KAZN: variants seen among roughly 807,000 people sequenced by gnomAD.
KAZN encodes the protein kazrin.
A neutral mutation model predicts 87.4 loss-of-function variants in KAZN; 40 were observed. The observed-to-expected ratio is 0.46, with a 90% CI of 0.36 to 0.60. The LOEUF (loss-of-function observed/expected upper bound fraction) is 0.60, where lower values mean the gene tolerates loss of function less well. KAZN is among the 20% of genes least tolerant of loss of function. The probability of loss-of-function intolerance (pLI) is 0.00; values close to 1 mark genes in which losing one functional copy is unlikely to be tolerated. For missense variants in KAZN, 898 were observed against 1,073.9 expected (o/e 0.84, Z 2.29); for synonymous variants, 466 against 458.3 (o/e 1.02, Z -0.22).
At chr1:14,152,384 T>C (rs1222632777) in intron 1 of KAZN, among the ~76,000 whole-genome samples, 1 of 152,186 alleles carries the variant, frequency 6.6e-6, no homozygotes, top group Non-Finnish European at 1.5e-5. Flanking sequence ...TTTACCTCCA[T>C]GAGTTCAACT....
intron 4 of KAZN, among the ~76,000 whole-genome samples, chr1:15,044,475 G>A (rs1012653109): frequency 3.3e-5 from 5 of 152,132 alleles, no homozygotes; most frequent in African/African-American, 1.2e-4. Context: ...AAGGCCTAGT[G>A]CAGTGGCTCA....
At chr1:14,340,246 G>A (rs927952894) in intron 2 of KAZN, among the ~76,000 whole-genome samples, 3 of 152,206 alleles carry the variant, frequency 2.0e-5, no homozygotes, top group African/African-American at 7.2e-5. Context: ...CAATTTCTGT[G>A]CTTTGCACAG....
At chr1:13,936,353 T>G (rs925506647) in intron 1 of KAZN, among the ~76,000 whole-genome samples, 1 of 151,910 alleles carries the variant, frequency 6.6e-6, no homozygotes, top group African/African-American at 2.4e-5. Context: ...TCACCTGCCT[T>G]GGCCTCTCAA....
chr1:14,077,045 C>T (rs540515022), intron 1 of KAZN, among the ~76,000 whole-genome samples: 144 of 152,262 alleles, frequency 9.5e-4, no homozygotes, highest in Non-Finnish European at 1.3e-3. Context: ...AATTTTACTT[C>T]CTGATTGCTC....
intron 1 of KAZN, among the ~76,000 whole-genome samples, chr1:14,637,167 G>C (rs1219309822): frequency 6.6e-6 from 1 of 152,148 alleles, no homozygotes; most frequent in Admixed American, 6.6e-5. Context: ...TGAAAATGGA[G>C]CCAGAAAAAC....
At chr1:14,539,381 G>C (rs1208807789) in intron 2 of KAZN, among the ~76,000 whole-genome samples, 1 of 152,136 alleles carries the variant, frequency 6.6e-6, no homozygotes, top group Non-Finnish European at 1.5e-5. Context: ...GGACATTTTT[G>C]GAAGAACTGA....
At chr1:14,729,161 G>A (rs1365791513) in intron 1 of KAZN, among the ~76,000 whole-genome samples, 5 of 152,098 alleles carry the variant, frequency 3.3e-5, no homozygotes, top group Admixed American at 6.6e-5. Context: ...GGATACCTTC[G>A]GCCCCTGCCC....
chr1:14,801,441 G>A lies in KAZN; in HGVS notation c.227-159243G>A, dbSNP rs113684024. Among the ~76,000 whole-genome samples, 1,275 of 152,208 alleles carry A rather than the reference G, an allele frequency of 8.4e-3. 16 individuals are homozygous for A. The highest frequency in any genetic ancestry group is 0.029 in the African/African-American group (1,214 of 41,518). ...CATTCCGCAGTCCAGAGAGTGGCTG[G>A]GTCCCTTCTCCGCAGGCTCTTGGGG... On this transcript the variant is annotated intron_variant, in intron 1 of 14. Coordinates refer to ENST00000376030, the MANE Select transcript of KAZN (RefSeq NM_201628.3).
intron 1 of KAZN, among the ~76,000 whole-genome samples, chr1:14,038,379 A>G (rs1019111092): frequency 6.6e-6 from 1 of 152,138 alleles, no homozygotes; most frequent in Non-Finnish European, 1.5e-5. Context: ...GGAGGGAGAA[A>G]GTTGCAGACA....
chr1:14,582,194 A>G (rs919739011), intron 2 of KAZN, among the ~76,000 whole-genome samples: 5 of 152,138 alleles, frequency 3.3e-5, no homozygotes, highest in African/African-American at 1.2e-4. Flanking sequence ...CCAGAATTCC[A>G]TGGAATCTGT....
chr1:14,197,630 G>A (rs562173327), intron 2 of KAZN, among the ~76,000 whole-genome samples: 110 of 152,290 alleles, frequency 7.2e-4, no homozygotes, highest in African/African-American at 2.6e-3. Context: ...AGAGGTTGCA[G>A]TGAGCCAAGA....
chr1:14,707,186 A>T (rs1364545518), intron 1 of KAZN, among the ~76,000 whole-genome samples: 1 of 152,192 alleles, frequency 6.6e-6, no homozygotes, highest in Non-Finnish European at 1.5e-5. Context: ...TATGACGGTG[A>T]GGTCTGCTGG....
At chr1:14,359,902 T>C (rs1571388862) in intron 2 of KAZN, among the ~76,000 whole-genome samples, 2 of 152,190 alleles carry the variant, frequency 1.3e-5, no homozygotes, top group African/African-American at 2.4e-5. Flanking sequence ...GTGAATCTGA[T>C]GATTATATGT....
intron 1 of KAZN, among the ~76,000 whole-genome samples, chr1:13,972,527 A>G (rs1642177062): frequency 6.6e-6 from 1 of 152,176 alleles, no homozygotes; most frequent in Non-Finnish European, 1.5e-5. Context: ...CCAGAGCTCT[A>G]TGATCCATGA....
chr1:14,723,830 C>G (rs1643244331), intron 1 of KAZN, among the ~76,000 whole-genome samples: 1 of 152,168 alleles, frequency 6.6e-6, no homozygotes, highest in Non-Finnish European at 1.5e-5. Context: ...TCAATAGATA[C>G]TTTACTGGGC....
intron 1 of KAZN, among the ~76,000 whole-genome samples, chr1:14,634,033 T>G (rs78382378): frequency 0.024 from 3,599 of 152,216 alleles, 85 homozygotes; most frequent in South Asian, 0.081. Context: ...GTCCAACAAC[T>G]GCAGAGAGCT....
At chr1:14,282,943 A>T (rs1442913561) in intron 2 of KAZN, among the ~76,000 whole-genome samples, 2 of 152,164 alleles carry the variant, frequency 1.3e-5, no homozygotes, top group African/African-American at 2.4e-5. Flanking sequence ...TGTTTCTGTA[A>T]TTTCCCCGTG....
At chr1:14,314,609 T>C (rs1489214134) in intron 2 of KAZN, among the ~76,000 whole-genome samples, 1 of 152,182 alleles carries the variant, frequency 6.6e-6, no homozygotes, top group Non-Finnish European at 1.5e-5. Context: ...ATCCTCATTC[T>C]TGTAATGACA....
intron 1 of KAZN, among the ~76,000 whole-genome samples, chr1:14,761,840 A>G (rs1243179156): frequency 6.6e-6 from 1 of 151,542 alleles, no homozygotes; most frequent in Non-Finnish European, 1.5e-5. Context: ...GAGATTACCC[A>G]GTTAATTAAA....
Sources: allele counts gnomAD v4.1 joint callset (sites outside exome capture counted in the v4.1 genomes callset), GRCh38; gene constraint gnomAD v4.1.1; transcripts MANE v1.5; gene names NCBI Gene and HGNC (gene_info 2026-07-23, HGNC 2026-07-21).